Variants in CDH18 observed in about 807,000 individuals in gnomAD.
CDH18 encodes the protein cadherin 18, also known as cadherin-18.
A neutral mutation model predicts 67.9 loss-of-function variants in CDH18; 31 were observed. The observed-to-expected ratio is 0.46, with a 90% CI of 0.34 to 0.62. CDH18 has a LOEUF of 0.62. Among genes scored for constraint, CDH18 ranks in the 20% least tolerant of loss-of-function variants. CDH18 has a pLI of 0.01. For synonymous variants in CDH18, 362 were observed against 347.2 expected, an observed-to-expected ratio of 1.04 and a Z score of -0.48; for missense variants, 890 against 975.5, an observed-to-expected ratio of 0.91 and a Z score of 1.17.
At chr5:19,689,834 G>T (rs1761611782) in intron 5 of CDH18, among the ~76,000 whole-genome samples, 1 of 151,778 alleles carries the variant, frequency 6.6e-6, no homozygotes, top group Admixed American at 6.6e-5. Context: ...TGTCTGAATA[G>T]TTTTTTAAGT....
At chr5:20,026,559 T>C (rs1738918909) in intron 2 of CDH18, among the ~76,000 whole-genome samples, 1 of 152,204 alleles carries the variant, frequency 6.6e-6, no homozygotes, top group South Asian at 2.1e-4. Context: ...TTTCTAACTT[T>C]GAACAATTCT....
intron 1 of CDH18, among the ~76,000 whole-genome samples, chr5:20,414,301 A>G (rs1278205795): frequency 1.3e-5 from 2 of 152,236 alleles, no homozygotes; most frequent in Non-Finnish European, 2.9e-5. Context: ...AAATAATGGT[A>G]TCACTTCGTT....
chr5:19,521,407 T>C (rs1746882607), intron 9 of CDH18, among the ~76,000 whole-genome samples: 1 of 152,148 alleles, frequency 6.6e-6, no homozygotes, highest in African/African-American at 2.4e-5. Context: ...ACTTTTTATC[T>C]TTTCAGTGGG....
chr5:19,607,131 T>G (rs1227825066), intron 6 of CDH18, among the ~76,000 whole-genome samples: 1 of 151,658 alleles, frequency 6.6e-6, no homozygotes, highest in East Asian at 1.9e-4. Context: ...CTGAGAAAAT[T>G]CATTGGCAGT....
intron 2 of CDH18, among the ~76,000 whole-genome samples, chr5:20,072,654 T>C (rs147876233): frequency 6.6e-6 from 1 of 151,914 alleles, no homozygotes. Flanking sequence ...CAATGAACAG[T>C]TCACAGCAGC....
At chr5:19,683,813 C>T (rs1760675070) in intron 5 of CDH18, among the ~76,000 whole-genome samples, 1 of 152,096 alleles carries the variant, frequency 6.6e-6, no homozygotes, top group Non-Finnish European at 1.5e-5. Flanking sequence ...TAATCTTCCT[C>T]TGAGATAATT....
At chr5:20,508,869 TGC>T (rs1377959310) in intron 1 of CDH18, among the ~76,000 whole-genome samples, 2 of 152,124 alleles carry the variant, frequency 1.3e-5, no homozygotes, top group South Asian at 2.1e-4. Flanking sequence ...ATTCTATCTC[TGC>T]CCAAATAATA....
At chr5:19,646,678 A>G (rs1754790244) in intron 5 of CDH18, among the ~76,000 whole-genome samples, 1 of 152,164 alleles carries the variant, frequency 6.6e-6, no homozygotes, top group South Asian at 2.1e-4. Context: ...GTAAGATACT[A>G]CAGAATCAAC....
intron 6 of CDH18, among the ~76,000 whole-genome samples, chr5:19,596,840 T>G (rs992618195): frequency 1.2e-4 from 18 of 152,212 alleles, no homozygotes; most frequent in African/African-American, 3.4e-4. Context: ...AAGATTAATA[T>G]TTTGTACACT....
chr5:19,492,022 T>C (rs1315693652), intron 11 of CDH18, among the ~76,000 whole-genome samples: 1 of 151,786 alleles, frequency 6.6e-6, no homozygotes, highest in African/African-American at 2.4e-5. Context: ...AAAGAGAACA[T>C]AATAAAAACC....
chr5:20,199,469 G>T (rs1395229758), intron 2 of CDH18, among the ~76,000 whole-genome samples: 2 of 152,106 alleles, frequency 1.3e-5, no homozygotes, highest in African/African-American at 4.8e-5. Context: ...TTTACACAAT[G>T]CCTGTACCCC....
chr5:20,294,369 A>C (rs771615749), intron 1 of CDH18, among the ~76,000 whole-genome samples: 4 of 152,232 alleles, frequency 2.6e-5, no homozygotes, highest in Non-Finnish European at 5.9e-5. Context: ...AATAATGTCT[A>C]TCAACCAAGC....
At chr5:19,635,059 T>A (rs1302834134) in intron 5 of CDH18, among the ~76,000 whole-genome samples, 2 of 152,126 alleles carry the variant, frequency 1.3e-5, no homozygotes, top group African/African-American at 4.8e-5. Context: ...AATACTCCTG[T>A]GAGGTGATAT....
chr5:19,767,073 CAAAT>C (rs1297213193), intron 3 of CDH18, among the ~76,000 whole-genome samples: 2 of 151,290 alleles, frequency 1.3e-5, no homozygotes, highest in Non-Finnish European at 2.9e-5. Flanking sequence ...TAAGGCATAT[CAAAT>C]AAGTAAACAA....
chr5:19,885,637 T>G (rs1292295489), intron 2 of CDH18, among the ~76,000 whole-genome samples: 3 of 152,180 alleles, frequency 2.0e-5, no homozygotes, highest in African/African-American at 7.2e-5. Flanking sequence ...CATAGCTCAC[T>G]GCAGCCTAGA....
chr5:19,910,215 T>C (rs1050233998), intron 2 of CDH18, among the ~76,000 whole-genome samples: 1 of 152,210 alleles, frequency 6.6e-6, no homozygotes, highest in East Asian at 1.9e-4. Context: ...ATTGAGAATA[T>C]ACAATATATT....
chr5:20,490,145 C>A (rs1309515730), intron 1 of CDH18, among the ~76,000 whole-genome samples: 3 of 151,354 alleles, frequency 2.0e-5, no homozygotes, highest in Non-Finnish European at 2.9e-5. Flanking sequence ...AATGATAGAC[C>A]AATGGCATTT....
chr5:20,300,060 A>T (rs985056204), intron 1 of CDH18, among the ~76,000 whole-genome samples: 5 of 152,116 alleles, frequency 3.3e-5, no homozygotes, highest in East Asian at 1.9e-4. Flanking sequence ...ATATTTTTTT[A>T]AAATATATTT....
intron 8 of CDH18, among the ~76,000 whole-genome samples, chr5:19,546,017 AG>A (rs1736261032): frequency 6.6e-6 from 1 of 152,136 alleles, no homozygotes; most frequent in Non-Finnish European, 1.5e-5. Context: ...CAAAGGAGAG[AG>A]GGAAAACTGG....
Sources: allele counts gnomAD v4.1 joint callset (sites outside exome capture counted in the v4.1 genomes callset), GRCh38; gene constraint gnomAD v4.1.1; transcripts MANE v1.5; gene names NCBI Gene and HGNC (gene_info 2026-07-23, HGNC 2026-07-21).